COL2A1: variants seen among roughly 807,000 people sequenced by gnomAD.
COL2A1 encodes collagen alpha-1(II) chain.
A neutral mutation model predicts 204.5 loss-of-function variants in COL2A1; 28 were observed. The ratio of observed to expected loss-of-function variants is 0.14; its 90% CI spans 0.10 to 0.19. The LOEUF (loss-of-function observed/expected upper bound fraction) is 0.19, where lower values mean the gene tolerates loss of function less well. COL2A1 is among the 10% of genes least tolerant of loss of function. The pLI is 1.00. For synonymous variants in COL2A1, 708 were observed against 718.7 expected (o/e 0.99, Z 0.24); for missense variants, 1,388 against 2,027.5 (o/e 0.68, Z 6.06).
chr12:47,993,856 G>T lies in COL2A1; in HGVS notation c.877C>A (p.Pro293Thr). The T allele has an allele frequency of 1.9e-6, 3 of 1,614,160 alleles. No homozygotes were observed. Among genetic ancestry groups the T allele is most frequent in the Non-Finnish European group, 2.5e-6 (3 of 1,180,026 alleles). Reference protein sequence around the residue: ...LPGVKGHRGYPGLDGAKGEAG... With the variant: ...LPGVKGHRGYTGLDGAKGEAG... ...TCTCCCTTAGCACCGTCCAGGCCTG[G>T]ATAACCCTAGGGAACAAGAGAAAAT... Residue 293 changes from proline (P) to threonine (T), a missense_variant, in exon 14 of 54, where the codon CCA (proline) becomes ACA (threonine). Physicochemically the swap from Pro to Thr is conservative, Grantham distance 38. Around this residue, in one of 3 missense-constraint regions of COL2A1, gnomAD observed 884 missense variants for 1,415.8 expected, o/e 0.62. Transcript: ENST00000380518.
chr12:47,985,929 C>T lies in COL2A1; in HGVS notation c.1564G>A (p.Gly522Ser). 1 of 1,552,272 alleles carries T rather than the reference C, an allele frequency of 6.4e-7. No individual in the cohort carries two copies. The highest frequency in any genetic ancestry group is 8.7e-7 in the Non-Finnish European group (1 of 1,147,280). The change falls in exon 24 of 54, where the codon GGT (glycine) becomes AGT (serine). Residue 522 changes from glycine (G) to serine (S), a missense_variant. Physicochemically the swap from Gly to Ser is moderately conservative, Grantham distance 56 (BLOSUM62 0). Coordinates refer to ENST00000380518, the MANE Select transcript of COL2A1 (RefSeq NM_001844.5). ...PGNRGFPGQDGLAGPKGAPGE... is the reference protein window; with the variant it reads ...PGNRGFPGQDSLAGPKGAPGE... Reference sequence around the variant, plus strand: ...CCACTCACCTTGGGACCTGCCAGACCATCTTGACCTGGGAAACCGCGGTTG... The same window carrying T: ...CCACTCACCTTGGGACCTGCCAGACTATCTTGACCTGGGAAACCGCGGTTG...
In COL2A1 at chr12:47,989,265, G is replaced by A. The variant is rs1256087032; in HGVS notation, c.1085C>T (p.Ala362Val). 1 of 1,613,168 alleles carries A rather than the reference G, an allele frequency of 6.2e-7. No homozygotes were observed. Among genetic ancestry groups the A allele is most frequent in the Non-Finnish European group, 8.5e-7 (1 of 1,179,828 alleles). Residue 362 changes from alanine (A) to valine (V), a missense_variant, in exon 18 of 54, where the codon GCT (alanine) becomes GTT (valine). Coordinates refer to ENST00000380518, the MANE Select transcript of COL2A1 (RefSeq NM_001844.5). ...AGCACCAGGGAAGCCAGGACCACCA[G>A]CAGGACCGACAGGACCCTGGAGAGA... ...PAGPPGPVGP[A>V]GGPGFPGAPG... is the part of the protein sequence containing the mutation.
At chr12:47,983,363 G>A in intron 31 of COL2A1, 22 bp downstream of exon 31, 1 of 1,613,130 alleles carries the variant, frequency 6.2e-7, no homozygotes, top group Non-Finnish European at 8.5e-7. Flanking sequence ...CAGGTTGCAG[G>A]TCCAAAGAGC....
At chr12:47,981,419 G>A (rs1035057011) in intron 36 of COL2A1, 23 bp from the exon 37 acceptor site, 2 of 1,603,526 alleles carry the variant, frequency 1.2e-6, no homozygotes, top group Non-Finnish European at 1.7e-6. Flanking sequence ...AAGGGAGGAA[G>A]AGCTGGGGTA....
chr12:47,996,696 T>G, intron 7 of COL2A1, 71 bp from the exon 8 acceptor site: 2 of 1,185,050 alleles, frequency 1.7e-6, no homozygotes, highest in Non-Finnish European at 2.5e-6. Flanking sequence ...AGGTAAGCTC[T>G]ATATGGATAC....
intron 53 of COL2A1, 140 bp from the exon 54 acceptor site, chr12:47,973,693 C>T: frequency 1.0e-6 from 1 of 989,284 alleles, no homozygotes; most frequent in African/African-American, 1.6e-5. Flanking sequence ...CTCCTGAGAC[C>T]TCTTCTTGGC....
intron 51 of COL2A1, 148 bp downstream of exon 51, chr12:47,975,169 C>G: frequency 9.0e-7 from 1 of 1,107,974 alleles, no homozygotes; most frequent in Non-Finnish European, 1.3e-6. Context: ...GCTGCAGCTT[C>G]TCTGCTGTGA....
In COL2A1 at chr12:47,976,167, C is replaced by T; in HGVS notation, c.3490-97G>A. ...AGGTGGCTGTCCTGATAGCACCAGCCACTCCGCCCCCAGTTCTTCACATGC... is the reference window on the plus strand; with the variant it reads ...AGGTGGCTGTCCTGATAGCACCAGCTACTCCGCCCCCAGTTCTTCACATGC... On this transcript the variant is annotated intron_variant, in intron 49 of 53. Coordinates refer to ENST00000380518, the MANE Select transcript of COL2A1 (RefSeq NM_001844.5). This position sits in a 1 kb window ranked among gnomAD's most constrained non-coding sequence, Gnocchi z 4.3. 1.2e-6 allele frequency: 1 copy of T among 855,216 alleles called. No homozygotes were observed. The highest frequency in any genetic ancestry group is 2.0e-6 in the Non-Finnish European group (1 of 491,696). The allele number at this position is 855,216 out of a possible 1,614,324, so 53.0% of individuals were successfully genotyped here. A position where few individuals can be genotyped will look rare whatever the true frequency, so the allele number is the denominator to read the frequency against.
intron 52 of COL2A1, 115 bp downstream of exon 52, chr12:47,974,560 C>T: frequency 7.4e-7 from 1 of 1,349,466 alleles, no homozygotes; most frequent in Non-Finnish European, 1.1e-6. Context: ...CCTCTCAAGC[C>T]CAACAGAAAA....
intron 28 of COL2A1, among the ~76,000 whole-genome samples, 164 bp downstream of exon 28, chr12:47,984,382 C>T (rs1246602637): frequency 6.6e-6 from 1 of 152,188 alleles, no homozygotes. Flanking sequence ...AGAAGTCTCC[C>T]TGTGTAGACA....
At chr12:47,995,541 GCTGT>G (rs532699883) in intron 10 of COL2A1, among the ~76,000 whole-genome samples, 165 bp downstream of exon 10, 4 of 152,182 alleles carry the variant, frequency 2.6e-5, no homozygotes, top group Non-Finnish European at 4.4e-5. Context: ...GCCACATTGG[GCTGT>G]CTGTCAGAGT....
In COL2A1 at chr12:47,980,963, T is replaced by A. The variant is rs544962834; in HGVS notation, c.2469A>T (p.Glu823Asp). 1.3e-6 allele frequency: 2 copies of A among 1,551,616 alleles called. No homozygotes were observed. The highest frequency in any genetic ancestry group is 2.4e-5 in the South Asian group (2 of 84,074). ...GSAGARGAPGERGETGPPGPA... is the reference protein window; with the variant it reads ...GSAGARGAPGDRGETGPPGPA... The stretch of plus-strand genomic sequence containing the variant: ...GTCCGGGGGGCCCAGTCTCTCCACG[T>A]TCACCCTGTGAGAGAAGGGGGCATG... Residue 823 changes from glutamate (E) to aspartate (D), a missense_variant, in exon 38 of 54, where the codon GAA becomes GAT. Glu to Asp is a conservative substitution (Grantham distance 45). Transcript: ENST00000380518. This position sits in a 1 kb window ranked among gnomAD's most constrained non-coding sequence, Gnocchi z 4.5.
chr12:47,976,623 T>A lies in COL2A1; in HGVS notation c.3436-56A>T. On this transcript the variant is annotated intron_variant, in intron 48 of 53. Transcript: ENST00000380518. The surrounding 1 kb of genome is among the most constrained non-coding windows in gnomAD (Gnocchi z 4.3). Reference sequence around the variant, plus strand: ...GTCAGCACAGACATATCTATCTATATTCTGGGAGCTGGGGGAACAGCTTTA... The same window carrying A: ...GTCAGCACAGACATATCTATCTATAATCTGGGAGCTGGGGGAACAGCTTTA... 3 of 1,573,994 alleles carry A rather than the reference T, an allele frequency of 1.9e-6. No individual in the cohort carries two copies. The highest frequency in any genetic ancestry group is 2.6e-6 in the Non-Finnish European group (3 of 1,143,978).
At chr12:47,998,502 TCAAA>T in intron 2 of COL2A1, 71 bp from the exon 3 acceptor site, 1 of 1,478,646 alleles carries the variant, frequency 6.8e-7, no homozygotes, top group Non-Finnish European at 9.3e-7. Flanking sequence ...TTCTTGTCAC[TCAAA>T]CACTCATTAG....
intron 16 of COL2A1, 129 bp downstream of exon 16, chr12:47,992,749 G>T (rs1939764750): frequency 5.3e-6 from 5 of 948,884 alleles, no homozygotes; most frequent in Non-Finnish European, 8.4e-6. Context: ...GGGCACACTG[G>T]GGGTGAATTC....
In COL2A1 at chr12:48,004,378, G is replaced by C. The variant is rs1940378404; in HGVS notation, c.-57C>G. The C allele has an allele frequency of 9.0e-7, 1 of 1,116,002 alleles. No homozygotes were observed. The highest frequency in any genetic ancestry group is 2.0e-5 in the Admixed American group (1 of 49,026). 69.1% of individuals were successfully genotyped at this position (1,116,002 alleles called of 1,614,324 possible). On this transcript the variant is annotated 5_prime_UTR_variant, in exon 1 of 54. Transcript: ENST00000380518. ...CGGGCGGAGCGCAGCGAAACGGCAG[G>C]AGCACGGCGCGGGTCCGGGTCTCTA...
chr12:47,983,154 G>C lies in COL2A1; in HGVS notation c.2050-17C>G. 6.2e-7 allele frequency: 1 copy of C among 1,612,674 alleles called. No individual in the cohort carries two copies. The highest frequency in any genetic ancestry group is 8.5e-7 in the Non-Finnish European group (1 of 1,179,344). ...GGGAACACCCTGGAGAACAAAGAAA[G>C]ATGTGTGAGAGTGAAGGCTTCATAT... On this transcript the variant is annotated splice_polypyrimidine_tract_variant and intron_variant, in intron 31 of 53. Transcript: ENST00000380518.
intron 1 of COL2A1, among the ~76,000 whole-genome samples, chr12:48,001,354 T>C (rs1940222676): frequency 6.6e-6 from 1 of 152,198 alleles, no homozygotes; most frequent in South Asian, 2.1e-4. Context: ...GAAATCCGCC[T>C]AGCCTTTGGG....
At chr12:47,994,559 C>A (rs772142156) in intron 11 of COL2A1, 82 bp from the exon 12 acceptor site, 1 of 1,439,064 alleles carries the variant, frequency 6.9e-7, no homozygotes, top group Non-Finnish European at 9.7e-7. Flanking sequence ...TTCCCTCCTT[C>A]CAGCCCTCCA....
Sources: gnomAD v4.1 joint callset for allele counts (sites outside exome capture counted in the v4.1 genomes callset) on GRCh38, gnomAD v4.1.1 for gene constraint, gnomAD v4.1.1 regional missense constraint, Gnocchi (gnomAD v3.1) non-coding constraint, MANE v1.5 for transcripts, NCBI Gene and HGNC (gene_info 2026-07-23, HGNC 2026-07-21) for gene names.